TMEM242: variants seen among roughly 807,000 people sequenced by gnomAD.
TMEM242 encodes UPF0463 transmembrane protein C6orf35.
Under a neutral mutation model 18.2 loss-of-function variants are expected in TMEM242, and 10 were observed. The observed-to-expected ratio is 0.55, with a 90% CI of 0.34 to 0.93. The LOEUF is 0.93. Ranked by LOEUF, TMEM242 falls within the 40% of genes least tolerant of loss-of-function variation. The probability of loss-of-function intolerance (pLI) is 0.02; values close to 1 mark genes in which losing one functional copy is unlikely to be tolerated. For synonymous variants in TMEM242, 57 were observed against 69.9 expected (o/e 0.81, Z 0.92); for missense variants, 186 against 175.5 (o/e 1.06, Z -0.34).
At chr6:157,314,078 C>T (rs1583573694) in intron 3 of TMEM242, among the ~76,000 whole-genome samples, 1 of 143,476 alleles carries the variant, frequency 7.0e-6, no homozygotes, top group East Asian at 2.1e-4. Flanking sequence ...CCGGCCTCAT[C>T]ATAGAGCCCC....
At chr6:157,306,031 A>G (rs782072039) in intron 3 of TMEM242, among the ~76,000 whole-genome samples, 8 of 152,214 alleles carry the variant, frequency 5.3e-5, no homozygotes, top group Non-Finnish European at 1.2e-4. Context: ...GAGAAACTAG[A>G]GCATGTCTGT....
At chr6:157,309,837 C>T (rs981296918) in intron 3 of TMEM242, among the ~76,000 whole-genome samples, 1 of 148,846 alleles carries the variant, frequency 6.7e-6, no homozygotes, top group African/African-American at 2.4e-5. Context: ...TTTTTTATTA[C>T]AGTTGAGGTT....
chr6:157,313,373 T>A (rs1778265424), intron 3 of TMEM242, among the ~76,000 whole-genome samples: 1 of 110,422 alleles, frequency 9.1e-6, no homozygotes, highest in East Asian at 3.1e-4. Flanking sequence ...CTCATCATAG[T>A]GCCTCAGTGT....
rs1554250819 is a variant in TMEM242 at position 157,322,749 on chromosome 6, T to C, written c.145A>G (p.Thr49Ala). 16 of 1,614,064 alleles carry C rather than the reference T, an allele frequency of 9.9e-6. No individual in the cohort carries two copies. Among genetic ancestry groups the C allele is most frequent in the Admixed American group, 1.7e-5 (1 of 60,016 alleles). The part of the protein sequence containing the change: ...AAGMLAGFIT[T>A]LSLAKKKSPE... ...CTTTTCTTTTTAGCCAATGATAATG[T>C]TGTAATAAATCCAGCTAGCATTCCC... Residue 49 changes from threonine (T) to alanine (A), a missense_variant, in exon 2 of 4, where the codon ACA becomes GCA. Thr to Ala is a moderately conservative substitution (Grantham distance 58). Transcript: ENST00000400788.
chr6:157,306,882 T>C (rs1482223155), intron 3 of TMEM242, among the ~76,000 whole-genome samples: 20 of 152,214 alleles, frequency 1.3e-4, no homozygotes, highest in Non-Finnish European at 5.9e-5. Context: ...CATGATAAGT[T>C]ATGTTCAGCA....
intron 3 of TMEM242, among the ~76,000 whole-genome samples, chr6:157,313,130 C>T (rs1393761464): frequency 4.2e-5 from 5 of 117,860 alleles, no homozygotes; most frequent in African/African-American, 6.9e-5. Flanking sequence ...CCGGCCTCAT[C>T]ATAGTGTCCC....
At chr6:157,319,772 A>G (rs1778463546) in intron 2 of TMEM242, among the ~76,000 whole-genome samples, 1 of 152,232 alleles carries the variant, frequency 6.6e-6, no homozygotes, top group Admixed American at 6.5e-5. Flanking sequence ...GCTAATGGAT[A>G]GAAGTCTGTT....
intron 3 of TMEM242, 26 bp downstream of exon 3, chr6:157,318,756 C>A (rs369892900): frequency 3.0e-5 from 48 of 1,612,452 alleles, no homozygotes; most frequent in Non-Finnish European, 3.6e-5. Context: ...CATGTAGATA[C>A]CAGGGACAAG....
At chr6:157,313,401 T>TCATAGTGCCTCAGTG (rs1778270232) in intron 3 of TMEM242, among the ~76,000 whole-genome samples, 1 of 3,166 alleles carries the variant, frequency 3.2e-4, no homozygotes, top group East Asian at 8.6e-3. Context: ...CCGGGCCTTA[T>TCATAGTGCCTCAGTG]TACAGTGTCC....
At position 157,314,135 on chromosome 6, in the gene TMEM242, C is replaced by T. The variant is rs1554250047; in HGVS notation, c.327+4647G>A. ...ATCATTGTGTCCCAGTGTGCGCTCA[C>T]CCGGCCTCATCATAGTGTCCCTGTG... On this transcript the variant is annotated intron_variant, in intron 3 of 3. Coordinates refer to ENST00000400788, the MANE Select transcript of TMEM242 (RefSeq NM_018452.6). 5.7e-5 allele frequency among the ~76,000 whole-genome samples: 5 copies of T among 87,242 alleles called. No individual in the cohort carries two copies. The Admixed American group carries it at 6.2e-4, about 11-fold the overall frequency. 57.2% of individuals were successfully genotyped at this position (87,242 alleles called of 152,430 possible). A position where few individuals can be genotyped will look rare whatever the true frequency, so the allele number is the denominator to read the frequency against.
At chr6:157,299,967 C>T in intron 3 of TMEM242, 10 of 1,545,194 alleles carry the variant, frequency 6.5e-6, no homozygotes, top group Admixed American at 3.3e-5. Context: ...GCGGGCTCCT[C>T]GGAAGTGAAG....
At chr6:157,311,044 G>C (rs1423538661) in intron 3 of TMEM242, among the ~76,000 whole-genome samples, 15 of 145,832 alleles carry the variant, frequency 1.0e-4, no homozygotes, top group Non-Finnish European at 1.5e-4. Context: ...GTCCCAGTGT[G>C]CGCTCACCTA....
intron 3 of TMEM242, 62 bp from the exon 4 acceptor site, chr6:157,293,061 G>C (rs1554246941): frequency 7.8e-7 from 1 of 1,285,310 alleles, no homozygotes; most frequent in African/African-American, 1.5e-5. Flanking sequence ...AGCTATTAGA[G>C]ATGGCACCTT....
At chr6:157,323,163 T>C (rs1489706033) in intron 1 of TMEM242, among the ~76,000 whole-genome samples, 1 of 151,906 alleles carries the variant, frequency 6.6e-6, no homozygotes, top group Non-Finnish European at 1.5e-5. Context: ...ATTGCAGAGG[T>C]GACGGGGAAA....
At chr6:157,312,502 A>ACTGTGCG (rs1778192777) in intron 3 of TMEM242, among the ~76,000 whole-genome samples, 1 of 11,198 alleles carries the variant, frequency 8.9e-5, no homozygotes, top group Admixed American at 9.3e-4. Flanking sequence ...CCCAGTGTGC[A>ACTGTGCG]CTCACCGAGC....
At chr6:157,309,946 A>G (rs892595075) in intron 3 of TMEM242, among the ~76,000 whole-genome samples, 3 of 152,150 alleles carry the variant, frequency 2.0e-5, no homozygotes, top group Non-Finnish European at 2.9e-5. Context: ...AAGGTTAGCA[A>G]TGTTCATTCT....
chr6:157,307,897 T>C (rs889860234), intron 3 of TMEM242, among the ~76,000 whole-genome samples: 8 of 152,000 alleles, frequency 5.3e-5, no homozygotes, highest in Non-Finnish European at 1.5e-5. Context: ...AAATAAGAAA[T>C]TGAGGCTTGC....
At chr6:157,311,247 T>A (rs1778067475) in intron 3 of TMEM242, among the ~76,000 whole-genome samples, 1 of 146,792 alleles carries the variant, frequency 6.8e-6, no homozygotes, top group Non-Finnish European at 1.5e-5. Flanking sequence ...TGTCCCAGTG[T>A]GCGCTCACCT....
At chr6:157,321,882 T>G (rs1235997202) in intron 2 of TMEM242, among the ~76,000 whole-genome samples, 1 of 152,004 alleles carries the variant, frequency 6.6e-6, no homozygotes, top group African/African-American at 2.4e-5. Context: ...TTCTATAACA[T>G]AGAGAGAAAA....
Sources: gnomAD v4.1 joint callset for allele counts (sites outside exome capture counted in the v4.1 genomes callset) on GRCh38, gnomAD v4.1.1 for gene constraint, MANE v1.5 for transcripts, NCBI Gene and HGNC (gene_info 2026-07-23, HGNC 2026-07-21) for gene names.